The following DYM variants were observed in gnomAD, a reference collection of about 807,000 sequenced individuals.
The protein encoded by DYM is dymeclin.
Under a neutral mutation model 93.1 loss-of-function variants are expected in DYM, and 78 were observed. The observed-to-expected ratio is 0.84, with a 90% CI of 0.70 to 1.01. The LOEUF (loss-of-function observed/expected upper bound fraction) is 1.01. Ranked by LOEUF, DYM falls within the 50% of genes least tolerant of loss-of-function variation. The probability of loss-of-function intolerance (pLI) is 0.00; values close to 1 mark genes in which losing one functional copy is unlikely to be tolerated. For missense variants in DYM, 789 were observed against 845.0 expected (o/e 0.93, Z 0.82); for synonymous variants, 321 against 319.7 (o/e 1.00, Z -0.04).
At chr18:49,365,330 C>T (rs2066424899) in intron 5 of DYM, among the ~76,000 whole-genome samples, 1 of 152,070 alleles carries the variant, frequency 6.6e-6, no homozygotes, top group Non-Finnish European at 1.5e-5. Context: ...GCAATCGATG[C>T]TAAAAAGGAT....
chr18:49,050,672 A>T (rs1042721531), intron 17 of DYM, among the ~76,000 whole-genome samples: 1 of 152,018 alleles, frequency 6.6e-6, no homozygotes, highest in African/African-American at 2.4e-5. Flanking sequence ...AATGACTCTG[A>T]CTAGAGCTGC....
intron 16 of DYM, among the ~76,000 whole-genome samples, chr18:49,104,297 T>C (rs773401717): frequency 2.0e-5 from 3 of 152,218 alleles, no homozygotes; most frequent in Non-Finnish European, 1.5e-5. Flanking sequence ...GCCTATCAGC[T>C]TGAGGAGATT....
chr18:49,357,211 CT>C (rs1337366288), intron 6 of DYM, among the ~76,000 whole-genome samples: 1 of 152,308 alleles, frequency 6.6e-6, no homozygotes, highest in East Asian at 1.9e-4. Context: ...ATCGGGGTAT[CT>C]TTTTGTCTAT....
At chr18:49,428,258 C>T (rs1346789832) in intron 2 of DYM, among the ~76,000 whole-genome samples, 3 of 151,506 alleles carry the variant, frequency 2.0e-5, no homozygotes, top group Admixed American at 6.6e-5. Context: ...CAAGACCAGC[C>T]TGGGTAACAG....
intron 13 of DYM, among the ~76,000 whole-genome samples, chr18:49,217,077 A>C (rs2093095255): frequency 6.6e-6 from 1 of 152,260 alleles, no homozygotes; most frequent in African/African-American, 2.4e-5. Flanking sequence ...ATGGAGCTGA[A>C]AGCCAAGGAT....
At position 49,365,986 on chromosome 18, in the gene DYM, AT is replaced by A. The variant is rs369328135; in HGVS notation, c.422-2754del. Among the ~76,000 whole-genome samples, 20 of 152,312 alleles carry A rather than the reference AT, an allele frequency of 1.3e-4. No homozygotes were observed. The South Asian group carries it at 4.1e-3, about 32-fold the overall frequency. On this transcript the variant is annotated intron_variant, in intron 5 of 17. Coordinates refer to ENST00000675505, the MANE Select transcript of DYM (RefSeq NM_001353214.3). ...AAATAATGAAGATGATGATAAACAT[AT>A]TTCATAGAAGTAAAATGTAATATTT...
intron 10 of DYM, among the ~76,000 whole-genome samples, chr18:49,277,696 T>C (rs2094878998): frequency 6.6e-6 from 1 of 152,168 alleles, no homozygotes; most frequent in African/African-American, 2.4e-5. Context: ...AGTAAGCAGG[T>C]CTGCACCAGA....
rs1403542187 is a variant in DYM at position 49,441,220 on chromosome 18, TA to T, written c.-53-10774del. Among the ~76,000 whole-genome samples, 11 of 31,804 alleles carry T rather than the reference TA, an allele frequency of 3.5e-4. 2 individuals are homozygous for T. In the South Asian group the frequency reaches 8.7e-3, roughly 25 times the overall value. 20.9% of individuals were successfully genotyped at this position (31,804 alleles called of 152,430 possible). On this transcript the variant is annotated intron_variant, in intron 1 of 17. Transcript: ENST00000675505. ...TATTATATATTATATATATTATATA[TA>T]ATTATATTATATATAATATACATAA...
Position 49,077,395 on chromosome 18 carries a change from T to C in DYM, c.2025+20007A>G, listed in dbSNP as rs1222563607. ...ATTTTTTAAACTTATTGAGATCTGT[T>C]CTATGGCTCAAAATAGGATTTATCT... On this transcript the variant is annotated intron_variant, in intron 17 of 17. Coordinates refer to ENST00000675505, the MANE Select transcript of DYM (RefSeq NM_001353214.3). Among the ~76,000 whole-genome samples the C allele has an allele frequency of 2.6e-5, 4 of 152,368 alleles. No homozygotes were observed. The South Asian group carries it at 8.3e-4, about 32-fold the overall frequency.
chr18:49,343,718 C>T (rs1223510529), intron 6 of DYM, among the ~76,000 whole-genome samples: 1 of 152,024 alleles, frequency 6.6e-6, no homozygotes, highest in Admixed American at 6.6e-5. Context: ...TTACCAAAAC[C>T]AAGAAAAATA....
intron 8 of DYM, among the ~76,000 whole-genome samples, chr18:49,292,340 A>AGG (rs1568187464): frequency 3.1e-5 from 3 of 95,468 alleles, no homozygotes; most frequent in African/African-American, 1.1e-4. Flanking sequence ...AGGCAGGCAG[A>AGG]CAGACAGACA....
chr18:49,388,383 A>G (rs549288444), intron 3 of DYM, among the ~76,000 whole-genome samples: 2 of 152,182 alleles, frequency 1.3e-5, no homozygotes, highest in South Asian at 4.1e-4. Context: ...AGATGAATTA[A>G]CAGAAAATAT....
intron 8 of DYM, among the ~76,000 whole-genome samples, chr18:49,327,081 T>A: frequency 6.9e-6 from 1 of 145,518 alleles, no homozygotes; most frequent in East Asian, 2.1e-4. Flanking sequence ...GAGAAGAAAG[T>A]ACAGAATGAG....
intron 15 of DYM, among the ~76,000 whole-genome samples, chr18:49,125,263 GTAAA>G (rs1424169864): frequency 2.6e-5 from 4 of 152,074 alleles, no homozygotes; most frequent in Non-Finnish European, 5.9e-5. Flanking sequence ...TGTCTCAAAG[GTAAA>G]TAAATAAATA....
At chr18:49,405,402 A>G (rs1365424746) in intron 2 of DYM, among the ~76,000 whole-genome samples, 1 of 152,190 alleles carries the variant, frequency 6.6e-6, no homozygotes, top group Admixed American at 6.5e-5. Context: ...TCTTTAATCC[A>G]TCTTCAGTTA....
intron 14 of DYM, among the ~76,000 whole-genome samples, chr18:49,184,909 C>A (rs970671171): frequency 6.6e-6 from 1 of 152,026 alleles, no homozygotes; most frequent in African/African-American, 2.4e-5. Flanking sequence ...CTAAAATAAC[C>A]ATCATTTATG....
chr18:49,202,849 CTGGGAAGTGAGGAGCGTCTCCGCCCGG>C, intron 14 of DYM, among the ~76,000 whole-genome samples: 2 of 98,356 alleles, frequency 2.0e-5, no homozygotes, highest in Non-Finnish European at 4.5e-5. Context: ...GCCACCCCAT[CTGGGAAGTGAGGAGCGTCTCCGCCCGG>C]CAGCCACCCC....
Position 49,041,333 on chromosome 18 carries a change from A to C in DYM, c.*2722T>G, listed in dbSNP as rs1428867852. Reference sequence around the variant, plus strand: ...CTTTGTTGATAAAATGACACAATGCAGTAACAGCTTCAGATCTGGGGTAAA... The same window carrying C: ...CTTTGTTGATAAAATGACACAATGCCGTAACAGCTTCAGATCTGGGGTAAA... On this transcript the variant is annotated 3_prime_UTR_variant, in exon 18 of 18. Coordinates refer to ENST00000675505, the MANE Select transcript of DYM (RefSeq NM_001353214.3). 1 of 152,262 alleles carries C rather than the reference A, an allele frequency of 6.6e-6. No individual in the cohort carries two copies. The highest frequency in any genetic ancestry group is 1.5e-5 in the Non-Finnish European group (1 of 68,044). 9.4% of individuals were successfully genotyped at this position (152,262 alleles called of 1,614,324 possible).
chr18:49,137,888 G>C (rs2084024847), intron 15 of DYM, among the ~76,000 whole-genome samples: 1 of 152,088 alleles, frequency 6.6e-6, no homozygotes, highest in African/African-American at 2.4e-5. Flanking sequence ...GAAGCAACTA[G>C]AAAATCTCTG....
Sources: allele counts gnomAD v4.1 joint callset (sites outside exome capture counted in the v4.1 genomes callset), GRCh38; gene constraint gnomAD v4.1.1; transcripts MANE v1.5; gene names NCBI Gene and HGNC (gene_info 2026-07-23, HGNC 2026-07-21).